MTARC2: variants seen among roughly 807,000 people sequenced by gnomAD.
The protein encoded by MTARC2 is MOCO sulphurase C-terminal domain containing 2.
In MTARC2, 27 loss-of-function variants were observed where a neutral mutation model predicts 35.6. The observed-to-expected ratio is 0.76, with a 90% confidence interval of 0.56 to 1.04. MTARC2 has a LOEUF of 1.04. MTARC2 is among the 50% of genes least tolerant of loss of function. MTARC2 has a pLI of 0.00. For missense variants in MTARC2, 412 were observed against 432.5 expected, an observed-to-expected ratio of 0.95 and a Z score of 0.42; for synonymous variants, 158 against 167.1, an observed-to-expected ratio of 0.95 and a Z score of 0.42.
intron 2 of MTARC2, 38 bp downstream of exon 2, chr1:220,755,158 C>T: frequency 6.5e-7 from 1 of 1,549,978 alleles, no homozygotes; most frequent in Non-Finnish European, 8.7e-7. Flanking sequence ...CTGCAACAGG[C>T]TTGGTTTCTC....
chr1:220,777,503 C>T (rs995450877), intron 4 of MTARC2, among the ~76,000 whole-genome samples: 2 of 152,162 alleles, frequency 1.3e-5, no homozygotes, highest in African/African-American at 4.8e-5. Flanking sequence ...CCTGCCCAAG[C>T]GAAGCAGCCA....
chr1:220,758,423 CT>C (rs35433433), intron 2 of MTARC2, among the ~76,000 whole-genome samples: 5,166 of 143,130 alleles, frequency 0.036, 214 homozygotes, highest in African/African-American at 0.1. Context: ...TAATTATTAC[CT>C]TTTTTTTTTT....
chr1:220,768,406 G>A (rs753399940), intron 4 of MTARC2, among the ~76,000 whole-genome samples: 18 of 152,122 alleles, frequency 1.2e-4, no homozygotes, highest in Admixed American at 9.2e-4. Context: ...CCATTGAGGC[G>A]GGTAGTGTTT....
At position 220,748,858 on chromosome 1, in the gene MTARC2, G is replaced by GA. The variant is rs1386135700; in HGVS notation, c.272+55_272+56insA. The GA allele has an allele frequency of 2.7e-6, 4 of 1,492,940 alleles. No homozygotes were observed. In the East Asian group the frequency reaches 8.3e-5, roughly 31 times the overall value. The allele number at this position is 1,492,940 out of a possible 1,614,324, so 92.5% of individuals were successfully genotyped here. On this transcript the variant is annotated intron_variant, in intron 1 of 7. Coordinates refer to ENST00000366913, the MANE Select transcript of MTARC2 (RefSeq NM_017898.5). ...CGGAGCCTGCCTGGGATGAGGAGCG[G>GA]GGGGGCAGGTGGGGCCCGATCTATC...
intron 1 of MTARC2, among the ~76,000 whole-genome samples, chr1:220,751,667 G>C (rs999824416): frequency 2.6e-5 from 4 of 152,076 alleles, no homozygotes; most frequent in African/African-American, 9.7e-5. Context: ...GTTGTTTTGG[G>C]CTCCACTTAC....
Position 220,748,587 on chromosome 1 carries a change from G to A in MTARC2, c.56G>A (p.Trp19Ter). Reference sequence around the variant, plus strand: ...CGCCTCGGCCTCCCAGCCCGGCCCTGGCCCAGGTGGCTCGGGGTCGCCGCG... The same window carrying A: ...CGCCTCGGCCTCCCAGCCCGGCCCTAGCCCAGGTGGCTCGGGGTCGCCGCG... ...LARLGLPARP[W>*]PRWLGVAALG... Residue 19 changes from tryptophan to a stop codon, truncating the protein, a stop_gained, in exon 1 of 8, where the codon TGG becomes TAG. Transcript: ENST00000366913. LOFTEE classifies it high-confidence loss of function. 6.9e-7 allele frequency: 1 copy of A among 1,457,562 alleles called. No homozygotes were observed. The allele number at this position is 1,457,562 out of a possible 1,614,324, so 90.3% of individuals were successfully genotyped here.
At chr1:220,783,856 T>C in intron 7 of MTARC2, 63 bp from the exon 8 acceptor site, 1 of 717,028 alleles carries the variant, frequency 1.4e-6, no homozygotes, top group Non-Finnish European at 2.6e-6. Flanking sequence ...TGTGGGAGTT[T>C]GAATTATTTA....
At chr1:220,770,514 G>A (rs766046078) in intron 4 of MTARC2, 65 of 985,286 alleles carry the variant, frequency 6.6e-5, no homozygotes, top group Non-Finnish European at 7.2e-5. Context: ...CAAGAGACAA[G>A]CCCTTCAAAT....
chr1:220,764,614 C>A (rs1215630900), intron 4 of MTARC2, among the ~76,000 whole-genome samples: 1 of 151,932 alleles, frequency 6.6e-6, no homozygotes, highest in Admixed American at 6.6e-5. Context: ...TGGCAAAACC[C>A]CATCTCTACT....
chr1:220,770,568 T>C, intron 4 of MTARC2: 1 of 985,366 alleles, frequency 1.0e-6, no homozygotes, highest in Non-Finnish European at 1.2e-6. Context: ...TAAGGCAGGA[T>C]TGATCTCAGA....
chr1:220,773,100 T>G (rs76578693), intron 4 of MTARC2, among the ~76,000 whole-genome samples: 3,625 of 152,166 alleles, frequency 0.024, 111 homozygotes, highest in African/African-American at 0.064. Flanking sequence ...CTTTGGTATG[T>G]GAGCTGGTTC....
At chr1:220,774,457 G>A (rs1370075979) in intron 4 of MTARC2, among the ~76,000 whole-genome samples, 8 of 152,036 alleles carry the variant, frequency 5.3e-5, no homozygotes, top group African/African-American at 7.3e-5. Flanking sequence ...ATATTCCCTC[G>A]ACTTATCACA....
At chr1:220,774,903 C>T (rs1428501422) in intron 4 of MTARC2, among the ~76,000 whole-genome samples, 1 of 151,574 alleles carries the variant, frequency 6.6e-6, no homozygotes, top group Non-Finnish European at 1.5e-5. Flanking sequence ...CTTCCTCTGT[C>T]TGTGTGGATA....
At chr1:220,781,755 G>A (rs368976763) in intron 6 of MTARC2, 23 bp from the exon 7 acceptor site, 100 of 1,613,162 alleles carry the variant, frequency 6.2e-5, no homozygotes, top group Non-Finnish European at 8.3e-5. Context: ...TGTGTCTGAT[G>A]ATTGAATTTT....
chr1:220,764,322 A>G (rs753552123), intron 4 of MTARC2, among the ~76,000 whole-genome samples: 1 of 151,970 alleles, frequency 6.6e-6, no homozygotes, highest in Non-Finnish European at 1.5e-5. Flanking sequence ...TGAACTCCTG[A>G]CCTCAGGTGA....
At chr1:220,764,324 C>T (rs990803343) in intron 4 of MTARC2, among the ~76,000 whole-genome samples, 3 of 152,046 alleles carry the variant, frequency 2.0e-5, no homozygotes, top group Non-Finnish European at 4.4e-5. Flanking sequence ...AACTCCTGAC[C>T]TCAGGTGATC....
rs764999297 is a variant in MTARC2 at position 220,761,653 on chromosome 1, T to G, written c.447-5T>G. The G allele has an allele frequency of 6.2e-7, 1 of 1,606,170 alleles. No individual in the cohort carries two copies. Among genetic ancestry groups the G allele is most frequent in the Non-Finnish European group, 8.5e-7 (1 of 1,177,922 alleles). ...TAACCTGGTGTTCTTTTGTGACCTTTCCAGGATATTTGGCCTTGACATTAA... is the reference window on the plus strand; with the variant it reads ...TAACCTGGTGTTCTTTTGTGACCTTGCCAGGATATTTGGCCTTGACATTAA... On this transcript the variant is annotated splice_polypyrimidine_tract_variant and splice_region_variant and intron_variant, in intron 2 of 7. Coordinates refer to ENST00000366913, the MANE Select transcript of MTARC2 (RefSeq NM_017898.5).
At chr1:220,768,472 T>C (rs1048193891) in intron 4 of MTARC2, among the ~76,000 whole-genome samples, 1 of 152,138 alleles carries the variant, frequency 6.6e-6, no homozygotes, top group African/African-American at 2.4e-5. Context: ...AGTAACTTGC[T>C]CTCGAGGTCG....
intron 1 of MTARC2, among the ~76,000 whole-genome samples, chr1:220,750,684 G>A (rs528979152): frequency 5.9e-5 from 9 of 152,102 alleles, no homozygotes; most frequent in South Asian, 4.1e-4. Context: ...AAATCCTGTC[G>A]CATAGATTAG....
Sources: gnomAD v4.1 joint callset for allele counts (sites outside exome capture counted in the v4.1 genomes callset) on GRCh38, gnomAD v4.1.1 for gene constraint, MANE v1.5 for transcripts, NCBI Gene and HGNC (gene_info 2026-07-23, HGNC 2026-07-21) for gene names.